Variants in GALNTL6 observed in about 807,000 individuals in gnomAD.
The protein encoded by GALNTL6 is polypeptide N-acetylgalactosaminyltransferase like 6.
Under a neutral mutation model 73.7 loss-of-function variants are expected in GALNTL6, and 46 were observed. The ratio of observed to expected loss-of-function variants is 0.62; its 90% CI spans 0.49 to 0.80. GALNTL6 has a LOEUF of 0.80. GALNTL6 is among the 30% of genes least tolerant of loss of function. GALNTL6 has a pLI of 0.00. For missense variants in GALNTL6, 604 were observed against 755.0 expected, an observed-to-expected ratio of 0.80 and a Z score of 2.34; for synonymous variants, 259 against 263.7, an observed-to-expected ratio of 0.98 and a Z score of 0.17.
At chr4:171,850,317 C>T (rs1560813017) in intron 2 of GALNTL6, among the ~76,000 whole-genome samples, 1 of 152,194 alleles carries the variant, frequency 6.6e-6, no homozygotes, top group East Asian at 1.9e-4. Context: ...CGTGAAGTTA[C>T]TCCAGTGCAC....
intron 2 of GALNTL6, among the ~76,000 whole-genome samples, chr4:172,174,037 T>G (rs1428805582): frequency 6.6e-6 from 1 of 152,168 alleles, no homozygotes; most frequent in African/African-American, 2.4e-5. Context: ...AACTTGGTTG[T>G]TTTTTTCCTC....
At chr4:172,462,523 A>C (rs1157108810) in intron 5 of GALNTL6, among the ~76,000 whole-genome samples, 2 of 152,194 alleles carry the variant, frequency 1.3e-5, no homozygotes, top group East Asian at 3.9e-4. Flanking sequence ...GCTAACCTAC[A>C]GTGTCACTTT....
intron 2 of GALNTL6, among the ~76,000 whole-genome samples, chr4:171,973,788 T>G (rs926186769): frequency 1.3e-5 from 2 of 152,290 alleles, no homozygotes; most frequent in Middle Eastern, 3.4e-3. Context: ...ATTATTGTTA[T>G]TATCGTTATA....
At chr4:172,637,825 GT>G (rs1739766455) in intron 5 of GALNTL6, among the ~76,000 whole-genome samples, 1 of 152,012 alleles carries the variant, frequency 6.6e-6, no homozygotes, top group Non-Finnish European at 1.5e-5. Flanking sequence ...CCTTGACTCT[GT>G]TTTCATTAAT....
chr4:172,522,678 CAAA>C (rs11342052), intron 5 of GALNTL6, among the ~76,000 whole-genome samples: 2,905 of 102,226 alleles, frequency 0.028, 97 homozygotes, highest in African/African-American at 0.098. Flanking sequence ...CCCCCCCCCC[CAAA>C]AAAAAAGTGT....
intron 3 of GALNTL6, among the ~76,000 whole-genome samples, chr4:172,272,746 C>T (rs55775825): frequency 0.35 from 53,169 of 151,888 alleles, 9,365 homozygotes; most frequent in Non-Finnish European, 0.38. Flanking sequence ...AGATATATTT[C>T]GAATGGAAAA....
At chr4:172,863,595 T>C (rs1281883557) in intron 7 of GALNTL6, among the ~76,000 whole-genome samples, 1 of 152,216 alleles carries the variant, frequency 6.6e-6, no homozygotes, top group Non-Finnish European at 1.5e-5. Flanking sequence ...ACCCAATGCC[T>C]GTACCCCCAT....
intron 5 of GALNTL6, among the ~76,000 whole-genome samples, chr4:172,412,919 TC>T (rs1744499235): frequency 6.6e-6 from 1 of 152,028 alleles, no homozygotes; most frequent in Non-Finnish European, 1.5e-5. Context: ...GCTGACTGAG[TC>T]AAAAAATGAC....
chr4:172,962,070 G>A (rs988157652), intron 10 of GALNTL6, among the ~76,000 whole-genome samples: 2 of 152,184 alleles, frequency 1.3e-5, no homozygotes, highest in African/African-American at 4.8e-5. Flanking sequence ...CAGTCAAAGG[G>A]GAGGGTTGTT....
At chr4:172,123,926 T>C (rs548159200) in intron 2 of GALNTL6, among the ~76,000 whole-genome samples, 1 of 152,322 alleles carries the variant, frequency 6.6e-6, no homozygotes, top group East Asian at 1.9e-4. Flanking sequence ...TTCTAAGAAT[T>C]TTTTATGTCA....
intron 5 of GALNTL6, among the ~76,000 whole-genome samples, chr4:172,611,754 T>G (rs1028521646): frequency 2.0e-5 from 3 of 152,078 alleles, no homozygotes; most frequent in Non-Finnish European, 4.4e-5. Context: ...GTAATCAGTC[T>G]ACTCTTATCT....
At chr4:172,200,158 G>A (rs1735907612) in intron 2 of GALNTL6, among the ~76,000 whole-genome samples, 1 of 152,092 alleles carries the variant, frequency 6.6e-6, no homozygotes, top group South Asian at 2.1e-4. Context: ...TATTCTAGAT[G>A]CAGTATAGGT....
intron 7 of GALNTL6, among the ~76,000 whole-genome samples, chr4:172,828,967 T>C (rs1397406576): frequency 6.6e-6 from 1 of 152,216 alleles, no homozygotes; most frequent in Non-Finnish European, 1.5e-5. Context: ...GGCGGAGCTA[T>C]GCATGCTCCC....
At chr4:172,069,611 A>G (rs1386458443) in intron 2 of GALNTL6, among the ~76,000 whole-genome samples, 6 of 97,630 alleles carry the variant, frequency 6.1e-5, no homozygotes, top group Admixed American at 1.1e-4. Flanking sequence ...TATGTTATAT[A>G]TATATAACAT....
intron 2 of GALNTL6, among the ~76,000 whole-genome samples, chr4:172,056,886 T>G (rs1196108866): frequency 6.6e-6 from 1 of 152,086 alleles, no homozygotes; most frequent in African/African-American, 2.4e-5. Context: ...TTGATAGCAT[T>G]ATATTGTATG....
intron 5 of GALNTL6, among the ~76,000 whole-genome samples, chr4:172,424,711 C>A (rs930535207): frequency 1.3e-5 from 2 of 151,840 alleles, no homozygotes; most frequent in Non-Finnish European, 2.9e-5. Flanking sequence ...GGCAGAGAAG[C>A]AAAGAAAGGT....
chr4:172,328,296 C>G (rs1433834281), intron 4 of GALNTL6, among the ~76,000 whole-genome samples: 1 of 152,010 alleles, frequency 6.6e-6, no homozygotes, highest in Non-Finnish European at 1.5e-5. Flanking sequence ...AGTGACCTGC[C>G]CTTTTGCCCT....
intron 5 of GALNTL6, among the ~76,000 whole-genome samples, chr4:172,805,283 A>G (rs1740889712): frequency 6.6e-6 from 1 of 152,184 alleles, no homozygotes; most frequent in South Asian, 2.1e-4. Flanking sequence ...TCACTAATGA[A>G]TGGTTATTCT....
At chr4:172,311,961 A>G (rs990673188) in intron 4 of GALNTL6, among the ~76,000 whole-genome samples, 1 of 152,228 alleles carries the variant, frequency 6.6e-6, no homozygotes, top group Non-Finnish European at 1.5e-5. Flanking sequence ...ATTTCTAAAA[A>G]TCCAATACAC....
Sources: allele counts gnomAD v4.1 joint callset (sites outside exome capture counted in the v4.1 genomes callset), GRCh38; gene constraint gnomAD v4.1.1; transcripts MANE v1.5; gene names NCBI Gene and HGNC (gene_info 2026-07-23, HGNC 2026-07-21).